SLC25A13: variants seen among roughly 807,000 people sequenced by gnomAD.
The protein encoded by SLC25A13 is solute carrier family 25 member 13.
Under a neutral mutation model 85.5 loss-of-function variants are expected in SLC25A13, and 70 were observed. The ratio of observed to expected loss-of-function variants is 0.82; its 90% CI spans 0.68 to 1.00. The LOEUF (loss-of-function observed/expected upper bound fraction) is 1.00, where lower values mean the gene tolerates loss of function less well. Ranked by LOEUF, SLC25A13 falls within the 50% of genes least tolerant of loss-of-function variation. The pLI is 0.00. For synonymous variants in SLC25A13, 259 were observed against 288.7 expected, an observed-to-expected ratio of 0.90 and a Z score of 1.04; for missense variants, 765 against 819.8, an observed-to-expected ratio of 0.93 and a Z score of 0.82.
Position 96,296,929 on chromosome 7 carries a change from T to C in SLC25A13, c.38A>G (p.Asp13Gly). 1 of 1,613,750 alleles carries C rather than the reference T, an allele frequency of 6.2e-7. No individual in the cohort carries two copies. The highest frequency in any genetic ancestry group is 8.5e-7 in the Non-Finnish European group (1 of 1,179,700). ...AAATATTGTTCTAAGCTCAGCTGGATCTGCTCTCTTGGTTAAAGCCACCTA... is the reference window on the plus strand; with the variant it reads ...AAATATTGTTCTAAGCTCAGCTGGACCTGCTCTCTTGGTTAAAGCCACCTA... ...AAKVALTKRA[D>G]PAELRTIFLK... The change falls in exon 2 of 18, where the codon GAT becomes GGT. Residue 13 changes from aspartate (D) to glycine (G), a missense_variant. Coordinates refer to ENST00000265631, the MANE Select transcript of SLC25A13 (RefSeq NM_014251.3).
intron 13 of SLC25A13, among the ~76,000 whole-genome samples, chr7:96,154,689 C>A (rs1204155556): frequency 2.0e-5 from 3 of 152,110 alleles, no homozygotes; most frequent in African/African-American, 7.2e-5. Flanking sequence ...GTCCCTCTGA[C>A]CAACTCACAT....
intron 5 of SLC25A13, among the ~76,000 whole-genome samples, chr7:96,203,207 A>G (rs1795327559): frequency 6.6e-6 from 1 of 152,134 alleles, no homozygotes; most frequent in Admixed American, 6.5e-5. Flanking sequence ...CCTAGTCCAG[A>G]CCAAAGTTTG....
At chr7:96,164,820 T>A (rs1219390947) in intron 13 of SLC25A13, among the ~76,000 whole-genome samples, 2 of 151,952 alleles carry the variant, frequency 1.3e-5, no homozygotes, top group Non-Finnish European at 2.9e-5. Flanking sequence ...ACACTTTCAC[T>A]TTGTAAAATG....
chr7:96,211,742 G>A (rs1243389164), intron 4 of SLC25A13, among the ~76,000 whole-genome samples: 1 of 152,048 alleles, frequency 6.6e-6, no homozygotes, highest in African/African-American at 2.4e-5. Context: ...TAACCCTTTG[G>A]GGCACTACAG....
intron 13 of SLC25A13, among the ~76,000 whole-genome samples, chr7:96,161,953 C>T (rs1430652304): frequency 6.6e-6 from 1 of 152,194 alleles, no homozygotes; most frequent in African/African-American, 2.4e-5. Flanking sequence ...AACATTATTG[C>T]TATAGCATCA....
intron 3 of SLC25A13, among the ~76,000 whole-genome samples, chr7:96,250,675 T>C (rs1344914730): frequency 7.0e-6 from 1 of 142,174 alleles, no homozygotes; most frequent in East Asian, 2.0e-4. Context: ...AGCAGTCTAC[T>C]TGGGGAGGAG....
intron 2 of SLC25A13, 33 bp downstream of exon 2, chr7:96,296,865 A>G (rs1799370585): frequency 6.3e-7 from 1 of 1,578,536 alleles, no homozygotes; most frequent in Non-Finnish European, 8.7e-7. Flanking sequence ...ACACAAATCA[A>G]ACAAGAAACA....
In SLC25A13 at chr7:96,193,074, T is replaced by G. The variant is rs1562831553; in HGVS notation, c.578A>C (p.His193Pro). 1 of 1,614,090 alleles carries G rather than the reference T, an allele frequency of 6.2e-7. No individual in the cohort carries two copies. The highest frequency in any genetic ancestry group is 2.2e-5 in the East Asian group (1 of 44,870). The change falls in exon 6 of 18, where the codon CAT becomes CCT. Residue 193 changes from histidine (H) to proline (P), a missense_variant. Transcript: ENST00000265631. ...FRDIMVTIRP[H>P]VLTPFVEECL... ...TTCTTCTACAAAAGGAGTCAAGACATGGGGGCGGATGGTGACCATGATGTC... is the reference window on the plus strand; with the variant it reads ...TTCTTCTACAAAAGGAGTCAAGACAGGGGGGCGGATGGTGACCATGATGTC...
intron 2 of SLC25A13, among the ~76,000 whole-genome samples, chr7:96,277,616 C>T (rs780741120): frequency 1.3e-5 from 2 of 152,142 alleles, no homozygotes; most frequent in Non-Finnish European, 2.9e-5. Context: ...AAGGGTGCTA[C>T]TGGCTCCAGC....
chr7:96,199,907 G>A (rs1795190811), intron 5 of SLC25A13, among the ~76,000 whole-genome samples: 1 of 151,902 alleles, frequency 6.6e-6, no homozygotes. Context: ...TTTTCAGGTA[G>A]GTATATTTTG....
At chr7:96,297,480 C>A (rs777183875) in intron 1 of SLC25A13, among the ~76,000 whole-genome samples, 3 of 151,912 alleles carry the variant, frequency 2.0e-5, no homozygotes, top group Admixed American at 1.3e-4. Context: ...ATTGCAGGCG[C>A]GTACTACCAC....
intron 1 of SLC25A13, among the ~76,000 whole-genome samples, chr7:96,315,580 T>C (rs17247050): frequency 0.013 from 2,024 of 152,258 alleles, 25 homozygotes; most frequent in Middle Eastern, 0.024. Context: ...GTAAAGATCA[T>C]TGTGTTAACA....
chr7:96,175,828 G>A (rs1198916635), intron 11 of SLC25A13, among the ~76,000 whole-genome samples: 6 of 152,216 alleles, frequency 3.9e-5, no homozygotes, highest in African/African-American at 9.6e-5. Context: ...TAGAGGCCCC[G>A]AGCTTCCTTA....
intron 3 of SLC25A13, among the ~76,000 whole-genome samples, chr7:96,246,278 T>G (rs1797186028): frequency 6.6e-6 from 1 of 152,218 alleles, no homozygotes; most frequent in Non-Finnish European, 1.5e-5. Flanking sequence ...ATACATACTT[T>G]TAGTTAATGC....
chr7:96,178,180 C>A (rs1029195524), intron 11 of SLC25A13, among the ~76,000 whole-genome samples: 3 of 152,156 alleles, frequency 2.0e-5, no homozygotes, highest in African/African-American at 7.2e-5. Flanking sequence ...CCAGTGAGAG[C>A]AGGAATATAC....
At chr7:96,255,472 G>A (rs902706035) in intron 3 of SLC25A13, among the ~76,000 whole-genome samples, 13 of 152,130 alleles carry the variant, frequency 8.5e-5, no homozygotes, top group African/African-American at 3.1e-4. Flanking sequence ...GATCATTTGA[G>A]CCCAGAAGTT....
rs1006778784 is a variant in SLC25A13, at chr7:96,274,923, A to G, written c.212+2273T>C. Reference sequence around the variant, plus strand: ...TTTGGTTACTGTAGCCTTGTAGTATAGTTTGAAGTCAGGTAGCATGATGCC... The same window carrying G: ...TTTGGTTACTGTAGCCTTGTAGTATGGTTTGAAGTCAGGTAGCATGATGCC... On this transcript the variant is annotated intron_variant, in intron 3 of 17. Coordinates refer to ENST00000265631, the MANE Select transcript of SLC25A13 (RefSeq NM_014251.3). Among the ~76,000 whole-genome samples the G allele has an allele frequency of 4.6e-5, 7 of 152,166 alleles. 1 individual carries two copies. Among genetic ancestry groups the G allele is most frequent in the Non-Finnish European group, 8.8e-5 (6 of 68,036 alleles).
intron 5 of SLC25A13, among the ~76,000 whole-genome samples, chr7:96,197,908 G>C (rs966069292): frequency 1.3e-5 from 2 of 152,126 alleles, no homozygotes; most frequent in Non-Finnish European, 2.9e-5. Context: ...AAAAAATGGA[G>C]AGATGCTATA....
intron 5 of SLC25A13, among the ~76,000 whole-genome samples, chr7:96,203,040 A>G (rs896038129): frequency 6.6e-6 from 1 of 151,964 alleles, no homozygotes; most frequent in African/African-American, 2.4e-5. Flanking sequence ...AAAGCAACCA[A>G]CCGGTCTCCC....
Sources: allele counts gnomAD v4.1 joint callset (sites outside exome capture counted in the v4.1 genomes callset), GRCh38; gene constraint gnomAD v4.1.1; transcripts MANE v1.5; gene names NCBI Gene and HGNC (gene_info 2026-07-23, HGNC 2026-07-21).